The following BRINP3 variants were observed in gnomAD, a reference collection of about 807,000 sequenced individuals.
BRINP3 encodes the protein BMP/retinoic acid inducible neural specific 3.
Under a neutral mutation model 71.0 loss-of-function variants are expected in BRINP3, and 19 were observed. That is an observed-to-expected ratio of 0.27 (90% CI 0.19 to 0.39). The LOEUF is 0.39. Among genes scored for constraint, BRINP3 ranks in the 10% least tolerant of loss-of-function variants. BRINP3 has a pLI of 1.00. For missense variants in BRINP3, 959 were observed against 940.8 expected, an observed-to-expected ratio of 1.02 and a Z score of -0.25; for synonymous variants, 380 against 337.7, an observed-to-expected ratio of 1.13 and a Z score of -1.37.
chr1:190,112,563 A>G (rs1652784113), intron 7 of BRINP3, among the ~76,000 whole-genome samples: 1 of 152,192 alleles, frequency 6.6e-6, no homozygotes, highest in African/African-American at 2.4e-5. Context: ...GTCTTGGATT[A>G]TGAAAAACAA....
chr1:190,277,113 A>ATATATATATATATATATTTATATT (rs746851050), intron 3 of BRINP3, among the ~76,000 whole-genome samples: 2 of 107,486 alleles, frequency 1.9e-5, no homozygotes, highest in African/African-American at 6.8e-5. Flanking sequence ...ATATATATAT[A>ATATATATATATATATATTTATATT]TATATTTATA....
At chr1:190,306,507 C>T (rs1338518021) in intron 2 of BRINP3, among the ~76,000 whole-genome samples, 5 of 151,844 alleles carry the variant, frequency 3.3e-5, no homozygotes, top group African/African-American at 4.8e-5. Flanking sequence ...TATATTACCT[C>T]TTCAAGGTAA....
At chr1:190,099,297 TACACACACAC>T (rs56359524) in intron 7 of BRINP3, among the ~76,000 whole-genome samples, 163 bp from the exon 8 acceptor site, 13 of 149,326 alleles carry the variant, frequency 8.7e-5, no homozygotes, top group African/African-American at 1.5e-4. Context: ...GACTATATAA[TACACACACAC>T]ACACACACAC....
chr1:190,298,852 T>A (rs1392248140), intron 2 of BRINP3, among the ~76,000 whole-genome samples: 1 of 152,176 alleles, frequency 6.6e-6, no homozygotes, highest in East Asian at 1.9e-4. Flanking sequence ...TTCCTCTATA[T>A]CCTTGCTGAC....
At chr1:190,146,866 A>G (rs1655934451) in intron 7 of BRINP3, among the ~76,000 whole-genome samples, 1 of 152,060 alleles carries the variant, frequency 6.6e-6, no homozygotes, top group Admixed American at 6.6e-5. Context: ...ATATTGCAAT[A>G]TTAATTTAGT....
chr1:190,379,798 G>T (rs1009852074), intron 2 of BRINP3, among the ~76,000 whole-genome samples: 2 of 151,914 alleles, frequency 1.3e-5, no homozygotes, highest in Non-Finnish European at 2.9e-5. Context: ...AGGAGTCCGA[G>T]ACCAGCCTGG....
chr1:190,151,716 A>G (rs956960910), intron 7 of BRINP3, among the ~76,000 whole-genome samples: 1 of 152,178 alleles, frequency 6.6e-6, no homozygotes, highest in Non-Finnish European at 1.5e-5. Context: ...TTGAGAAGGT[A>G]ATGAAGTAAT....
intron 2 of BRINP3, among the ~76,000 whole-genome samples, chr1:190,330,749 T>C (rs781744867): frequency 6.6e-5 from 10 of 151,996 alleles, no homozygotes; most frequent in Non-Finnish European, 1.3e-4. Flanking sequence ...ATATGGTTGA[T>C]TGGATAAAGA....
At chr1:190,401,355 G>A (rs1213408762) in intron 2 of BRINP3, among the ~76,000 whole-genome samples, 2 of 123,818 alleles carry the variant, frequency 1.6e-5, no homozygotes, top group Non-Finnish European at 3.2e-5. Context: ...CAGGCACCAG[G>A]CACCAGTCCC....
intron 4 of BRINP3, among the ~76,000 whole-genome samples, chr1:190,237,143 T>C (rs548191773): frequency 1.3e-5 from 2 of 152,042 alleles, no homozygotes; most frequent in South Asian, 4.1e-4. Flanking sequence ...TATATTGCTT[T>C]ACTTTCTCAT....
At chr1:190,385,468 A>C (rs1670829865) in intron 2 of BRINP3, among the ~76,000 whole-genome samples, 1 of 152,050 alleles carries the variant, frequency 6.6e-6, no homozygotes, top group Non-Finnish European at 1.5e-5. Context: ...CAGCCAAAAA[A>C]CACATGAAAA....
At chr1:190,342,934 T>C (rs572560396) in intron 2 of BRINP3, among the ~76,000 whole-genome samples, 1 of 151,932 alleles carries the variant, frequency 6.6e-6, no homozygotes, top group Admixed American at 6.6e-5. Context: ...GAAAACGGTG[T>C]TAAGATCAAG....
At chr1:190,298,868 A>G (rs553446844) in intron 2 of BRINP3, among the ~76,000 whole-genome samples, 1 of 152,248 alleles carries the variant, frequency 6.6e-6, no homozygotes, top group South Asian at 2.1e-4. Flanking sequence ...CTGACTTTTC[A>G]TCAAGTTGTT....
intron 2 of BRINP3, among the ~76,000 whole-genome samples, chr1:190,441,542 TA>T (rs1674819269): frequency 6.6e-6 from 1 of 152,036 alleles, no homozygotes; most frequent in Non-Finnish European, 1.5e-5. Context: ...TAATTGAGGA[TA>T]TATTTTTTAT....
intron 2 of BRINP3, among the ~76,000 whole-genome samples, chr1:190,407,007 G>A (rs1341774645): frequency 6.6e-6 from 1 of 152,152 alleles, no homozygotes; most frequent in Non-Finnish European, 1.5e-5. Flanking sequence ...CAGCAGGACA[G>A]AATGTATGCC....
At chr1:190,147,452 T>A (rs1297345701) in intron 7 of BRINP3, among the ~76,000 whole-genome samples, 4 of 152,192 alleles carry the variant, frequency 2.6e-5, no homozygotes, top group African/African-American at 9.7e-5. Flanking sequence ...GAGTTTATAA[T>A]ATCTAAAGAC....
intron 6 of BRINP3, 30 bp from the exon 7 acceptor site, chr1:190,160,920 T>G: frequency 6.7e-7 from 1 of 1,484,138 alleles, no homozygotes; most frequent in Non-Finnish European, 9.3e-7. Flanking sequence ...AACACTTTAA[T>G]TATGAAACAA....
intron 7 of BRINP3, among the ~76,000 whole-genome samples, chr1:190,101,018 G>A (rs889549666): frequency 1.3e-5 from 2 of 152,012 alleles, no homozygotes; most frequent in Non-Finnish European, 2.9e-5. Flanking sequence ...TTTGCTCTCT[G>A]TCTTGCCCTC....
Position 190,098,309 on chromosome 1 carries a change from G to A in BRINP3, c.2010C>T (p.Gly670=), listed in dbSNP as rs1571686564. 15 of 1,614,174 alleles carry A rather than the reference G, an allele frequency of 9.3e-6. No homozygotes were observed. The highest frequency in any genetic ancestry group is 1.3e-5 in the Non-Finnish European group (15 of 1,180,044). Residue 670 remains glycine, a synonymous_variant, in exon 8 of 8, where the codon GGC becomes GGT. Transcript: ENST00000367462. ...YMKINNIQVF[G]YSMHFDPEAI... is the part of the protein sequence containing the mutation. ...CTTCAGGGTCAAAGTGCATGCTGTA[G>A]CCAAACACTTGAATGTTATTGATTT...
Sources: allele counts gnomAD v4.1 joint callset (sites outside exome capture counted in the v4.1 genomes callset), GRCh38; gene constraint gnomAD v4.1.1; transcripts MANE v1.5; gene names NCBI Gene and HGNC (gene_info 2026-07-23, HGNC 2026-07-21).